ZNF521: variants seen among roughly 807,000 people sequenced by gnomAD.
ZNF521 encodes zinc finger protein 521, also known as LYST-interacting protein 3.
Under a neutral mutation model 105.5 loss-of-function variants are expected in ZNF521, and 14 were observed. The ratio of observed to expected loss-of-function variants is 0.13; its 90% confidence interval spans 0.09 to 0.21. The LOEUF (loss-of-function observed/expected upper bound fraction) is 0.21. Ranked by LOEUF, ZNF521 falls within the 10% of genes least tolerant of loss-of-function variation. ZNF521 has a pLI of 1.00. For synonymous variants in ZNF521, 635 were observed against 606.0 expected (o/e 1.05, Z -0.70); for missense variants, 1,233 against 1,629.7 (o/e 0.76, Z 4.19).
At chr18:25,347,908 T>C (rs2145228859) in intron 2 of ZNF521, among the ~76,000 whole-genome samples, 1 of 152,366 alleles carries the variant, frequency 6.6e-6, no homozygotes, top group South Asian at 2.1e-4. Context: ...AGTACTAGTA[T>C]GCATGTAAGA....
At position 25,227,561 on chromosome 18, in the gene ZNF521, C is replaced by T. The variant is rs201946312; in HGVS notation, c.357G>A (p.Pro119=). The T allele has an allele frequency of 1.9e-4, 311 of 1,614,146 alleles. 2 individuals carry two copies. Among genetic ancestry groups the T allele is most frequent in the South Asian group, 1.7e-3 (155 of 91,084 alleles). The change falls in exon 4 of 8, where the codon CCG becomes CCA. Residue 119 remains proline, a synonymous_variant. Transcript: ENST00000361524. This position sits in a 1 kb window ranked among gnomAD's most constrained non-coding sequence, Gnocchi z 5.7. ...TAAACGACTTGTCACAGAATTGACA[C>T]GGGTATGGAAGCCCAGGGCCACCTT... ...EEEGGPGLPY[P]CQFCDKSFSR...
In ZNF521 at chr18:25,351,984, TGC is replaced by T. The variant is rs750940471; in HGVS notation, c.-2+19_-2+20del. ...GGAGGAGGAGAAGGAGTGTGCTGTG[TGC>T]TCCCTCCTCATCACAAACCTGCAAG... On this transcript the variant is annotated intron_variant, in intron 1 of 7. Transcript: ENST00000361524. 1 of 425,906 alleles carries T rather than the reference TGC, an allele frequency of 2.3e-6. No homozygotes were observed. The highest frequency in any genetic ancestry group is 4.8e-6 in the Non-Finnish European group (1 of 208,920). 26.4% of individuals were successfully genotyped at this position (425,906 alleles called of 1,614,324 possible). A position where few individuals can be genotyped will look rare whatever the true frequency, so the allele number is the denominator to read the frequency against.
intron 2 of ZNF521, among the ~76,000 whole-genome samples, chr18:25,350,294 G>A (rs977615185): frequency 2.0e-5 from 3 of 151,832 alleles, no homozygotes; most frequent in African/African-American, 7.3e-5. Context: ...GCCAAGAGGG[G>A]TGCTCTGAGG....
At chr18:25,166,471 T>C (rs2035343252) in intron 5 of ZNF521, among the ~76,000 whole-genome samples, 1 of 152,210 alleles carries the variant, frequency 6.6e-6, no homozygotes, top group Admixed American at 6.5e-5. Flanking sequence ...TGGTTCTAGA[T>C]CATTATGCCT....
At chr18:25,281,254 G>A (rs562227224) in intron 3 of ZNF521, among the ~76,000 whole-genome samples, 37 of 152,286 alleles carry the variant, frequency 2.4e-4, no homozygotes, top group African/African-American at 6.3e-4. Context: ...TCAAACACAC[G>A]TGAGGAAATT....
At chr18:25,281,870 C>T (rs978655845) in intron 3 of ZNF521, among the ~76,000 whole-genome samples, 16 of 152,030 alleles carry the variant, frequency 1.1e-4, no homozygotes, top group African/African-American at 3.4e-4. Flanking sequence ...TCAAAAATAA[C>T]GGAAGGAATC....
intron 3 of ZNF521, among the ~76,000 whole-genome samples, chr18:25,306,329 C>T (rs745759583): frequency 7.2e-5 from 11 of 152,026 alleles, no homozygotes; most frequent in Non-Finnish European, 1.5e-4. Flanking sequence ...TTAAGATTCA[C>T]GAGATGGCCA....
chr18:25,176,858 C>A (rs958652717), intron 5 of ZNF521, among the ~76,000 whole-genome samples: 1 of 152,230 alleles, frequency 6.6e-6, no homozygotes, highest in Non-Finnish European at 1.5e-5. Context: ...AGCACACGTG[C>A]GCGTGCACGC....
intron 3 of ZNF521, among the ~76,000 whole-genome samples, chr18:25,276,270 C>A (rs757156655): frequency 1.9e-4 from 29 of 151,906 alleles, no homozygotes; most frequent in Non-Finnish European, 2.6e-4. Context: ...GTTCACCCTG[C>A]AGATAGAAAA....
Position 25,225,018 on chromosome 18 carries a change from C to T in ZNF521, c.2900G>A (p.Arg967Gln), listed in dbSNP as rs780811669. The change falls in exon 4 of 8, where the codon CGG (arginine) becomes CAG (glutamine). Residue 967 changes from arginine to glutamine, a missense_variant. Physicochemically the swap from Arg to Gln is conservative, Grantham distance 43 (BLOSUM62 1). This residue lies in a region of ZNF521 where 614 missense variants were observed against 751.5 expected (regional missense o/e 0.82). Coordinates refer to ENST00000361524, the MANE Select transcript of ZNF521 (RefSeq NM_015461.3). This position sits in a 1 kb window ranked among gnomAD's most constrained non-coding sequence, Gnocchi z 5.6. ...KHYMCPICGE[R>Q]FPSLLTLTEH... The stretch of plus-strand genomic sequence containing the variant: ...AGTAAGAGTTAAAAGGGAGGGAAAC[C>T]GCTCTCCGCAAATAGGGCACATGTA... 3.5e-5 allele frequency: 56 copies of T among 1,614,010 alleles called. No individual in the cohort carries two copies. In the Admixed American group the frequency reaches 4.2e-4, roughly 12 times the overall value.
intron 4 of ZNF521, among the ~76,000 whole-genome samples, chr18:25,212,216 A>G (rs986916728): frequency 2.0e-5 from 3 of 152,000 alleles, no homozygotes; most frequent in Non-Finnish European, 4.4e-5. Context: ...AAAATATATA[A>G]AAAATATTTT....
intron 4 of ZNF521, among the ~76,000 whole-genome samples, chr18:25,203,683 A>G (rs1023050739): frequency 6.6e-6 from 1 of 152,204 alleles, no homozygotes; most frequent in African/African-American, 2.4e-5. Context: ...GAAGAGAGCC[A>G]GGGCTAAATT....
intron 3 of ZNF521, among the ~76,000 whole-genome samples, chr18:25,269,106 CAAAAAA>C (rs199827639): frequency 1.6e-5 from 1 of 60,776 alleles, no homozygotes; most frequent in Non-Finnish European, 3.8e-5. Context: ...AAATGGAAAG[CAAAAAA>C]AAAAAAAAAA....
chr18:25,203,332 C>A (rs555254560), intron 4 of ZNF521, among the ~76,000 whole-genome samples: 1 of 152,212 alleles, frequency 6.6e-6, no homozygotes, highest in East Asian at 1.9e-4. Context: ...GAAACTGTTA[C>A]AAGGCCTGGT....
At chr18:25,244,154 C>T (rs1907540942) in intron 3 of ZNF521, among the ~76,000 whole-genome samples, 1 of 152,098 alleles carries the variant, frequency 6.6e-6, no homozygotes, top group Non-Finnish European at 1.5e-5. Context: ...TCATAGCCAT[C>T]CTGCTCCACC....
intron 5 of ZNF521, among the ~76,000 whole-genome samples, chr18:25,165,653 C>G (rs1414275586): frequency 3.3e-5 from 5 of 152,200 alleles, no homozygotes; most frequent in African/African-American, 1.2e-4. Context: ...AGTTCTGTGG[C>G]TACATGTGGG....
intron 3 of ZNF521, among the ~76,000 whole-genome samples, chr18:25,274,052 T>C (rs1909874234): frequency 6.6e-6 from 1 of 152,204 alleles, no homozygotes; most frequent in South Asian, 2.1e-4. Flanking sequence ...AGGTGGAATC[T>C]ACCTCTCCTT....
intron 5 of ZNF521, among the ~76,000 whole-genome samples, chr18:25,189,033 A>G (rs1385045693): frequency 6.6e-6 from 1 of 152,188 alleles, no homozygotes; most frequent in East Asian, 1.9e-4. Context: ...GCTAAAACAC[A>G]TGATTTGTCT....
At chr18:25,260,427 G>A (rs964775972) in intron 3 of ZNF521, among the ~76,000 whole-genome samples, 4 of 152,034 alleles carry the variant, frequency 2.6e-5, no homozygotes, top group Admixed American at 6.5e-5. Flanking sequence ...GTGGTGGGTC[G>A]GAGCATGGGA....
Sources: gnomAD v4.1 joint callset for allele counts (sites outside exome capture counted in the v4.1 genomes callset) on GRCh38, gnomAD v4.1.1 for gene constraint, gnomAD v4.1.1 regional missense constraint, Gnocchi (gnomAD v3.1) non-coding constraint, MANE v1.5 for transcripts, NCBI Gene and HGNC (gene_info 2026-07-23, HGNC 2026-07-21) for gene names.